Variants in DOCK2 observed in about 807,000 individuals in gnomAD.
The protein encoded by DOCK2 is dedicator of cytokinesis 2.
A neutral mutation model predicts 248.9 loss-of-function variants in DOCK2; 87 were observed. The ratio of observed to expected loss-of-function variants is 0.35; its 90% CI spans 0.29 to 0.42. DOCK2 has a LOEUF of 0.42. Among genes scored for constraint, DOCK2 ranks in the 10% least tolerant of loss-of-function variants. The pLI is 1.00. For missense variants in DOCK2, 1,747 were observed against 2,300.2 expected (o/e 0.76, Z 4.92); for synonymous variants, 805 against 821.6 (o/e 0.98, Z 0.35).
At chr5:169,893,140 G>GA (rs1249545651) in intron 27 of DOCK2, among the ~76,000 whole-genome samples, 5 of 152,150 alleles carry the variant, frequency 3.3e-5, no homozygotes, top group African/African-American at 4.8e-5. Flanking sequence ...CAAGGGTGGG[G>GA]AATCAGCATC....
chr5:170,047,711 G>GCAAAT, intron 40 of DOCK2, 97 bp downstream of exon 40: 1 of 1,135,920 alleles, frequency 8.8e-7, no homozygotes, highest in Non-Finnish European at 1.3e-6. Context: ...GTGCTCAGAA[G>GCAAAT]CGGTGCTCTT....
intron 27 of DOCK2, chr5:169,841,514 C>T (rs1317536085): frequency 7.5e-6 from 7 of 939,554 alleles, no homozygotes; most frequent in Non-Finnish European, 8.9e-6. Context: ...AACCATGTCA[C>T]TCCTCTGCTG....
chr5:169,747,936 A>C (rs1342216542), intron 23 of DOCK2, among the ~76,000 whole-genome samples: 1 of 152,246 alleles, frequency 6.6e-6, no homozygotes, highest in South Asian at 2.1e-4. Context: ...TAATCTGTGA[A>C]GACTGCAAAT....
chr5:169,658,265 G>A (rs1369176021), intron 2 of DOCK2, among the ~76,000 whole-genome samples: 2 of 151,724 alleles, frequency 1.3e-5, no homozygotes, highest in Admixed American at 6.6e-5. Flanking sequence ...TGGATCATGA[G>A]GTCAGGAGAT....
intron 14 of DOCK2, among the ~76,000 whole-genome samples, chr5:169,704,931 G>T (rs1464629788): frequency 6.6e-6 from 1 of 152,172 alleles, no homozygotes; most frequent in Non-Finnish European, 1.5e-5. Context: ...GGAGGCCAAG[G>T]GGGGCAGATC....
intron 25 of DOCK2, among the ~76,000 whole-genome samples, chr5:169,781,643 T>C (rs1211267883): frequency 1.3e-5 from 2 of 152,218 alleles, no homozygotes; most frequent in East Asian, 3.9e-4. Context: ...TGTTTGGATG[T>C]ACCCAGATTA....
rs570694792 is a variant in DOCK2 at position 169,779,532 on chromosome 5, C to T, written c.2554+17907C>T. On this transcript the variant is annotated intron_variant, in intron 25 of 51. Coordinates refer to ENST00000520908, the MANE Select transcript of DOCK2 (RefSeq NM_004946.3). Reference sequence around the variant, plus strand: ...GGCTCACACTGGCTCATTGCTGGGACAGTGGGATAATTTCCTAGGGCCAGC... The same window carrying T: ...GGCTCACACTGGCTCATTGCTGGGATAGTGGGATAATTTCCTAGGGCCAGC... 4.6e-5 allele frequency among the ~76,000 whole-genome samples: 7 copies of T among 152,184 alleles called. No homozygotes were observed. In the South Asian group the frequency reaches 1.2e-3, roughly 27 times the overall value.
intron 26 of DOCK2, among the ~76,000 whole-genome samples, chr5:169,815,895 GA>G (rs1768043778): frequency 6.6e-6 from 1 of 152,164 alleles, no homozygotes; most frequent in South Asian, 2.1e-4. Context: ...CAAGACTGTA[GA>G]GGGGCTGCGG....
intron 22 of DOCK2, among the ~76,000 whole-genome samples, chr5:169,744,285 A>G (rs1415879503): frequency 6.6e-6 from 1 of 152,238 alleles, no homozygotes; most frequent in African/African-American, 2.4e-5. Context: ...CAAAATTTAA[A>G]GTTGAGCAGA....
chr5:169,938,522 T>C (rs1776091478), intron 27 of DOCK2, among the ~76,000 whole-genome samples: 1 of 152,182 alleles, frequency 6.6e-6, no homozygotes, highest in South Asian at 2.1e-4. Flanking sequence ...TTTCTAAACA[T>C]AGAAAAAGCA....
At chr5:170,023,691 C>T (rs1043949933) in intron 33 of DOCK2, among the ~76,000 whole-genome samples, 1 of 152,172 alleles carries the variant, frequency 6.6e-6, no homozygotes, top group Admixed American at 6.5e-5. Context: ...TTTCCAGGTT[C>T]CTCCCAACTC....
intron 27 of DOCK2, among the ~76,000 whole-genome samples, chr5:169,917,704 G>A (rs557926745): frequency 5.3e-5 from 8 of 152,290 alleles, no homozygotes; most frequent in African/African-American, 1.9e-4. Context: ...CCTAGGGTAG[G>A]TCCACAGGGA....
intron 8 of DOCK2, among the ~76,000 whole-genome samples, chr5:169,685,248 A>G (rs1031063156): frequency 1.3e-5 from 2 of 152,142 alleles, no homozygotes; most frequent in Non-Finnish European, 2.9e-5. Flanking sequence ...TATTATTACT[A>G]CTTTAATAAG....
At chr5:169,982,456 T>C (rs1317533950) in intron 27 of DOCK2, among the ~76,000 whole-genome samples, 1 of 152,206 alleles carries the variant, frequency 6.6e-6, no homozygotes, top group African/African-American at 2.4e-5. Context: ...ATCTTTCTGG[T>C]ACTTAGTTGG....
chr5:170,006,236 G>A (rs141260788), intron 30 of DOCK2, among the ~76,000 whole-genome samples: 44 of 152,328 alleles, frequency 2.9e-4, no homozygotes, highest in South Asian at 8.3e-4. Flanking sequence ...ACGTTGCTAC[G>A]GAAACAAGGA....
chr5:169,831,637 A>T (rs1214558152), intron 26 of DOCK2, among the ~76,000 whole-genome samples: 1 of 152,206 alleles, frequency 6.6e-6, no homozygotes, highest in African/African-American at 2.4e-5. Flanking sequence ...TAAATCTGGA[A>T]TTGTAGAAGT....
At chr5:170,041,918 T>G in intron 37 of DOCK2, 95 bp from the exon 38 acceptor site, 4 of 1,430,264 alleles carry the variant, frequency 2.8e-6, no homozygotes, top group Non-Finnish European at 3.8e-6. Context: ...ACAGGGTGTG[T>G]GTTGGCAGGG....
rs141044468 is a variant in DOCK2, at chr5:169,943,139, G to A, written c.2800-39929G>A. On this transcript the variant is annotated intron_variant, in intron 27 of 51. Coordinates refer to ENST00000520908, the MANE Select transcript of DOCK2 (RefSeq NM_004946.3). ...ATCATTGAGTTTTCCCCACACCCAG[G>A]CCATCAATGTCTCTGCTTCCTAAAG... Among the ~76,000 whole-genome samples the A allele has an allele frequency of 3.7e-3, 561 of 152,254 alleles. 6 individuals are homozygous for A. In the South Asian group the frequency reaches 0.05, roughly 14 times the overall value.
At chr5:169,952,124 G>T (rs1437856026) in intron 27 of DOCK2, among the ~76,000 whole-genome samples, 1 of 152,178 alleles carries the variant, frequency 6.6e-6, no homozygotes, top group Non-Finnish European at 1.5e-5. Context: ...CTTTGCCCCT[G>T]AACTGTGACT....
Sources: gnomAD v4.1 joint callset for allele counts (sites outside exome capture counted in the v4.1 genomes callset) on GRCh38, gnomAD v4.1.1 for gene constraint, MANE v1.5 for transcripts, NCBI Gene and HGNC (gene_info 2026-07-23, HGNC 2026-07-21) for gene names.